HPSE2: variants seen among roughly 807,000 people sequenced by gnomAD.
The protein encoded by HPSE2 is heparanase 2 (inactive), also known as inactive heparanase-2.
In HPSE2, 38 loss-of-function variants were observed where a neutral mutation model predicts 60.5. The ratio of observed to expected loss-of-function variants is 0.63; its 90% CI spans 0.48 to 0.82. HPSE2 has a LOEUF of 0.82. HPSE2 is among the 40% of genes least tolerant of loss of function. The pLI is 0.00. For missense variants in HPSE2, 713 were observed against 740.4 expected (o/e 0.96, Z 0.43); for synonymous variants, 295 against 293.2 (o/e 1.01, Z -0.06).
At chr10:98,486,803 G>T (rs1415527427) in intron 10 of HPSE2, among the ~76,000 whole-genome samples, 1 of 152,142 alleles carries the variant, frequency 6.6e-6, no homozygotes, top group Admixed American at 6.5e-5. Context: ...TTCGGTAAAA[G>T]CCAGGCCATG....
At chr10:99,031,986 C>T (rs1430545210) in intron 3 of HPSE2, among the ~76,000 whole-genome samples, 1 of 152,196 alleles carries the variant, frequency 6.6e-6, no homozygotes, top group African/African-American at 2.4e-5. Flanking sequence ...CCAACATTCA[C>T]AAAATATGCA....
At chr10:98,673,350 A>C (rs1290418367) in intron 6 of HPSE2, among the ~76,000 whole-genome samples, 2 of 152,176 alleles carry the variant, frequency 1.3e-5, no homozygotes, top group Non-Finnish European at 2.9e-5. Flanking sequence ...CTCAAGGCAA[A>C]CCATAAAAAT....
At chr10:99,021,270 A>G (rs1957256342) in intron 3 of HPSE2, among the ~76,000 whole-genome samples, 1 of 152,234 alleles carries the variant, frequency 6.6e-6, no homozygotes, top group South Asian at 2.1e-4. Context: ...AGTATGTAAG[A>G]GATACTATGT....
At chr10:99,223,568 T>C (rs1396376828) in intron 2 of HPSE2, among the ~76,000 whole-genome samples, 1 of 152,178 alleles carries the variant, frequency 6.6e-6, no homozygotes, top group Admixed American at 6.5e-5. Context: ...ATTTCACTCT[T>C]CATTATCTGC....
intron 4 of HPSE2, among the ~76,000 whole-genome samples, chr10:98,728,167 CTCTTT>C (rs1220986470): frequency 8.5e-5 from 13 of 152,260 alleles, no homozygotes; most frequent in African/African-American, 2.9e-4. Flanking sequence ...ATATTCATTA[CTCTTT>C]TCTTCTCTTA....
chr10:99,278,245 C>T, the HPSE2 span, among the ~76,000 whole-genome samples: 1 of 152,000 alleles, frequency 6.6e-6, no homozygotes, highest in Non-Finnish European at 1.5e-5. Context: ...TCTGGATTTA[C>T]AAGTGATTTT....
intron 2 of HPSE2, among the ~76,000 whole-genome samples, chr10:99,152,542 T>C (rs1846314449): frequency 6.6e-6 from 1 of 152,162 alleles, no homozygotes; most frequent in African/African-American, 2.4e-5. Context: ...AAATATGTTT[T>C]AGTTATACCA....
rs558381500 is a variant in HPSE2 at position 99,103,472 on chromosome 10, T to G, written c.610+40766A>C. On this transcript the variant is annotated intron_variant, in intron 3 of 11. Transcript: ENST00000370552. Reference sequence around the variant, plus strand: ...AGGAGAACTACAAACCACTGCTCAATGAAATAAAAGAGGATACAAACAAAT... The same window carrying G: ...AGGAGAACTACAAACCACTGCTCAAGGAAATAAAAGAGGATACAAACAAAT... Among the ~76,000 whole-genome samples, 195 of 151,892 alleles carry G rather than the reference T, an allele frequency of 1.3e-3. 1 individual carries two copies. The highest frequency in any genetic ancestry group is 5.6e-3 in the Admixed American group (85 of 15,244).
chr10:98,852,135 G>GTT (rs1952192570), intron 3 of HPSE2, among the ~76,000 whole-genome samples: 1 of 133,380 alleles, frequency 7.5e-6, no homozygotes, highest in African/African-American at 3.1e-5. Context: ...GTGTGTGTGT[G>GTT]TGTGTGTGTG....
intron 2 of HPSE2, among the ~76,000 whole-genome samples, chr10:99,223,674 A>G (rs1224427141): frequency 6.6e-6 from 1 of 152,186 alleles, no homozygotes; most frequent in African/African-American, 2.4e-5. Flanking sequence ...GATGGTGGTT[A>G]TATCTATATT....
At chr10:99,209,702 TGTTTTGA>T (rs1435118445) in intron 2 of HPSE2, among the ~76,000 whole-genome samples, 5 of 152,320 alleles carry the variant, frequency 3.3e-5, no homozygotes, top group Middle Eastern at 3.4e-3. Flanking sequence ...TTTGTTTGTT[TGTTTTGA>T]GATGGAGTCT....
intron 2 of HPSE2, among the ~76,000 whole-genome samples, chr10:99,222,748 G>T (rs540637260): frequency 7.9e-5 from 12 of 152,158 alleles, no homozygotes; most frequent in East Asian, 1.9e-4. Context: ...ATCAGTTGTT[G>T]TTCTACTCCT....
At chr10:98,913,024 C>T (rs193267102) in intron 3 of HPSE2, among the ~76,000 whole-genome samples, 5 of 152,134 alleles carry the variant, frequency 3.3e-5, no homozygotes, top group African/African-American at 1.2e-4. Flanking sequence ...CATGCCTATA[C>T]CTAAGTATCT....
chr10:98,724,028 G>C (rs1468868246), intron 4 of HPSE2, among the ~76,000 whole-genome samples: 1 of 152,012 alleles, frequency 6.6e-6, no homozygotes, highest in Non-Finnish European at 1.5e-5. Context: ...GTTTGCTCTT[G>C]CTTCTCTAGT....
chr10:98,791,424 T>C lies in HPSE2; in HGVS notation c.611-47368A>G, dbSNP rs1017535917. ...GAGGAATGGGAATGCGCTGAGAAAG[T>C]AGAAGCAGTGAGTACAGACTATATG... is the stretch of plus-strand genomic sequence containing the variant. On this transcript the variant is annotated intron_variant, in intron 3 of 11. Coordinates refer to ENST00000370552, the MANE Select transcript of HPSE2 (RefSeq NM_021828.5). Among the ~76,000 whole-genome samples, 6 of 152,246 alleles carry C rather than the reference T, an allele frequency of 3.9e-5. No individual in the cohort carries two copies. In the South Asian group the frequency reaches 8.3e-4, roughly 21 times the overall value.
intron 3 of HPSE2, among the ~76,000 whole-genome samples, chr10:98,972,103 A>C (rs897865806): frequency 3.3e-5 from 5 of 152,222 alleles, no homozygotes; most frequent in African/African-American, 1.2e-4. Context: ...TTTAATAGGT[A>C]GAAAGTAATA....
chr10:98,481,274 A>T (rs1157794645), intron 11 of HPSE2, among the ~76,000 whole-genome samples: 4 of 152,210 alleles, frequency 2.6e-5, no homozygotes, highest in Non-Finnish European at 5.9e-5. Flanking sequence ...GAGAGTTTTC[A>T]AGCTGCACAG....
intron 2 of HPSE2, among the ~76,000 whole-genome samples, chr10:99,195,357 T>C (rs1201544156): frequency 1.3e-5 from 2 of 151,854 alleles, no homozygotes. Flanking sequence ...CTGGAAGTTC[T>C]AGATATAGCA....
At chr10:99,227,399 T>C (rs984373972) in intron 2 of HPSE2, among the ~76,000 whole-genome samples, 2 of 152,074 alleles carry the variant, frequency 1.3e-5, no homozygotes, top group African/African-American at 2.4e-5. Context: ...TAGAAACAGA[T>C]ACAATTTTTT....
Sources: gnomAD v4.1 joint callset for allele counts (sites outside exome capture counted in the v4.1 genomes callset) on GRCh38, gnomAD v4.1.1 for gene constraint, MANE v1.5 for transcripts, NCBI Gene and HGNC (gene_info 2026-07-23, HGNC 2026-07-21) for gene names.